Variants in PPP1R12A observed in about 807,000 individuals in gnomAD.
PPP1R12A encodes the protein protein phosphatase 1 regulatory subunit 12A, also known as myosin binding subunit.
PPP1R12A carries 19 observed loss-of-function variants against 139.6 expected under a neutral mutation model. The ratio of observed to expected loss-of-function variants is 0.14; its 90% confidence interval spans 0.09 to 0.20. PPP1R12A has a LOEUF of 0.20. Ranked by LOEUF, PPP1R12A falls within the 10% of genes least tolerant of loss-of-function variation. The probability of loss-of-function intolerance (pLI) is 1.00; values close to 1 mark genes in which losing one functional copy is unlikely to be tolerated. For missense variants in PPP1R12A, 925 were observed against 1,211.5 expected, an observed-to-expected ratio of 0.76 and a Z score of 3.51; for synonymous variants, 427 against 420.6, an observed-to-expected ratio of 1.02 and a Z score of -0.19.
intron 1 of PPP1R12A, among the ~76,000 whole-genome samples, chr12:79,933,410 G>A (rs1261989515): frequency 6.6e-6 from 1 of 152,064 alleles, no homozygotes; most frequent in Non-Finnish European, 1.5e-5. Flanking sequence ...AAGGCATCAA[G>A]TTAATATTCA....
chr12:79,909,298 T>C (rs1021854805), intron 1 of PPP1R12A, among the ~76,000 whole-genome samples: 1 of 152,210 alleles, frequency 6.6e-6, no homozygotes, highest in African/African-American at 2.4e-5. Flanking sequence ...TAAATACTAT[T>C]ATATAAGTGT....
Position 79,781,844 on chromosome 12 carries a change from C to G in PPP1R12A, c.2926G>C (p.Asp976His). 1 of 1,544,074 alleles carries G rather than the reference C, an allele frequency of 6.5e-7. No individual in the cohort carries two copies. The highest frequency in any genetic ancestry group is 8.8e-7 in the Non-Finnish European group (1 of 1,141,376). ...TTTTCCATTTCCAACAGTGATCTAT[C>G]AGCAAATCTTTCTTGTCTCTGCAAC... ...KATQRQERFADRSLLEMEKRE... is the reference protein window; with the variant it reads ...KATQRQERFAHRSLLEMEKRE... Residue 976 changes from aspartate (D) to histidine (H), a missense_variant, in exon 23 of 25, where the codon GAT becomes CAT. Physicochemically the swap from Asp to His is moderately conservative, Grantham distance 81 (BLOSUM62 -1). Transcript: ENST00000450142.
chr12:79,839,009 A>G (rs954741202), intron 3 of PPP1R12A, among the ~76,000 whole-genome samples: 1 of 152,238 alleles, frequency 6.6e-6, no homozygotes, highest in African/African-American at 2.4e-5. Context: ...GAGACACTCA[A>G]CACTGGCCCA....
At chr12:79,854,548 G>A (rs1258960685) in intron 2 of PPP1R12A, among the ~76,000 whole-genome samples, 1 of 152,196 alleles carries the variant, frequency 6.6e-6, no homozygotes, top group Non-Finnish European at 1.5e-5. Context: ...GCAGAATAGT[G>A]TAGTATCTAA....
chr12:79,874,817 C>A (rs1274510023), intron 1 of PPP1R12A, among the ~76,000 whole-genome samples: 1 of 152,142 alleles, frequency 6.6e-6, no homozygotes, highest in Admixed American at 6.5e-5. Flanking sequence ...ACTCATTGTT[C>A]CCCACAATTG....
At chr12:79,849,390 G>A (rs558190095) in intron 2 of PPP1R12A, among the ~76,000 whole-genome samples, 1 of 51,552 alleles carries the variant, frequency 1.9e-5, no homozygotes, top group South Asian at 5.7e-4. Context: ...CCATTTCAAA[G>A]GGGGGAAAAA....
chr12:79,890,144 C>A (rs1390840520), intron 1 of PPP1R12A, among the ~76,000 whole-genome samples: 4 of 151,982 alleles, frequency 2.6e-5, no homozygotes, highest in Admixed American at 6.6e-5. Context: ...AAAGAAAATG[C>A]CCTACATTTT....
chr12:79,873,751 C>G (rs991905535), intron 1 of PPP1R12A, among the ~76,000 whole-genome samples: 1 of 152,104 alleles, frequency 6.6e-6, no homozygotes, highest in African/African-American at 2.4e-5. Flanking sequence ...CCCTTGTATA[C>G]AGGTCTTTTT....
intron 3 of PPP1R12A, among the ~76,000 whole-genome samples, chr12:79,844,106 T>C (rs369372435): frequency 1.3e-5 from 2 of 151,200 alleles, no homozygotes; most frequent in Non-Finnish European, 2.9e-5. Context: ...AATTCAATGG[T>C]TTTTTTTTAG....
chr12:79,851,730 C>A (rs1045706344), intron 2 of PPP1R12A, among the ~76,000 whole-genome samples: 1 of 152,134 alleles, frequency 6.6e-6, no homozygotes, highest in Non-Finnish European at 1.5e-5. Context: ...TCCAGCCATG[C>A]CCTCTTTCTC....
chr12:79,795,503 C>A, intron 18 of PPP1R12A, 135 bp downstream of exon 18: 1 of 972,924 alleles, frequency 1.0e-6, no homozygotes, highest in Non-Finnish European at 1.5e-6. Flanking sequence ...TCTTATTTAA[C>A]AACTCAGAAA....
At chr12:79,929,086 ATGAAAC>A (rs1272991214) in intron 1 of PPP1R12A, among the ~76,000 whole-genome samples, 1 of 152,190 alleles carries the variant, frequency 6.6e-6, no homozygotes, top group Non-Finnish European at 1.5e-5. Flanking sequence ...GTGGGGCCGG[ATGAAAC>A]TGTTCTACCT....
At chr12:79,820,227 T>C (rs1190436399) in intron 8 of PPP1R12A, among the ~76,000 whole-genome samples, 2 of 152,166 alleles carry the variant, frequency 1.3e-5, no homozygotes, top group Non-Finnish European at 2.9e-5. Flanking sequence ...ATTTAAGAAA[T>C]TGAAGTAAAT....
chr12:79,919,179 A>T (rs542290479), intron 1 of PPP1R12A, among the ~76,000 whole-genome samples: 12 of 152,190 alleles, frequency 7.9e-5, no homozygotes, highest in African/African-American at 2.9e-4. Context: ...CTCTCTCTGA[A>T]ATAGTTTCCC....
At chr12:79,804,568 G>A (rs1873584851) in intron 14 of PPP1R12A, among the ~76,000 whole-genome samples, 1 of 151,916 alleles carries the variant, frequency 6.6e-6, no homozygotes, top group South Asian at 2.1e-4. Flanking sequence ...ACTTCAGTAG[G>A]CAACAGAGAA....
At chr12:79,835,053 A>G (rs1243898269) in intron 3 of PPP1R12A, among the ~76,000 whole-genome samples, 1 of 152,176 alleles carries the variant, frequency 6.6e-6, no homozygotes, top group Non-Finnish European at 1.5e-5. Flanking sequence ...CCCATCGTCA[A>G]TGTGCACAGG....
rs1430782436 is a variant in PPP1R12A at position 79,775,208 on chromosome 12, T to G, written c.*721A>C. The G allele has an allele frequency of 6.6e-6, 1 of 152,414 alleles. No homozygotes were observed. Among genetic ancestry groups the G allele is most frequent in the African/African-American group, 2.4e-5 (1 of 41,398 alleles). The allele number at this position is 152,414 out of a possible 1,614,324, so 9.4% of individuals were successfully genotyped here. On this transcript the variant is annotated 3_prime_UTR_variant, in exon 25 of 25. Coordinates refer to ENST00000450142, the MANE Select transcript of PPP1R12A (RefSeq NM_002480.3). ...GACCAATGAAGCAGAAAATAGGAATTAAAAGATCTAACCTCAAATGACTTT... is the reference window on the plus strand; with the variant it reads ...GACCAATGAAGCAGAAAATAGGAATGAAAAGATCTAACCTCAAATGACTTT...
At position 79,832,344 on chromosome 12, in the gene PPP1R12A, G is replaced by A. The variant is rs373090411; in HGVS notation, c.635C>T (p.Thr212Met). 6.0e-5 allele frequency: 96 copies of A among 1,607,840 alleles called. No homozygotes were observed. The highest frequency in any genetic ancestry group is 2.4e-4 in the Admixed American group (14 of 58,596). ...AAACAATACTTACTTTAAAACTTCC[G>A]TATAGCCTTTAGCAGCTGCAACGTG... ...ALHVAAAKGY[T>M]EVLKLLIQAG... is the part of the protein sequence containing the mutation. The change falls in exon 4 of 25, where the codon ACG becomes ATG. Residue 212 changes from threonine to methionine, a missense_variant. Transcript: ENST00000450142.
At chr12:79,878,969 C>T (rs1883374407) in intron 1 of PPP1R12A, among the ~76,000 whole-genome samples, 1 of 152,174 alleles carries the variant, frequency 6.6e-6, no homozygotes, top group Admixed American at 6.5e-5. Context: ...GTGAGACCCA[C>T]TTTTATTTTC....
Sources: gnomAD v4.1 joint callset for allele counts (sites outside exome capture counted in the v4.1 genomes callset) on GRCh38, gnomAD v4.1.1 for gene constraint, MANE v1.5 for transcripts, NCBI Gene and HGNC (gene_info 2026-07-23, HGNC 2026-07-21) for gene names.